Variants in CAMSAP1 observed in about 807,000 individuals in gnomAD.
CAMSAP1 encodes the protein calmodulin regulated spectrin associated protein 1.
Under a neutral mutation model 143.5 loss-of-function variants are expected in CAMSAP1, and 58 were observed. The ratio of observed to expected loss-of-function variants is 0.40; its 90% CI spans 0.33 to 0.50. The LOEUF is 0.50. Ranked by LOEUF, CAMSAP1 falls within the 20% of genes least tolerant of loss-of-function variation. The probability of loss-of-function intolerance (pLI) is 0.45; values close to 1 mark genes in which losing one functional copy is unlikely to be tolerated. For missense variants in CAMSAP1, 1,969 were observed against 2,115.7 expected (o/e 0.93, Z 1.36); for synonymous variants, 945 against 859.3 (o/e 1.10, Z -1.74).
chr9:135,833,548 A>G (rs1181999349), intron 7 of CAMSAP1, among the ~76,000 whole-genome samples: 1 of 152,266 alleles, frequency 6.6e-6, no homozygotes, highest in Non-Finnish European at 1.5e-5. Flanking sequence ...GGTGCCAAAA[A>G]TACACCATGG....
chr9:135,824,166 A>G lies in CAMSAP1; in HGVS notation c.1316-132T>C. On this transcript the variant is annotated intron_variant, in intron 9 of 16. Transcript: ENST00000389532. This position sits in a 1 kb window ranked among gnomAD's most constrained non-coding sequence, Gnocchi z 4.1. The stretch of plus-strand genomic sequence containing the variant: ...CAGAAGGGCCGCATGGAAAGCAGAG[A>G]GGCAAAACCATACAGTTGTCCCACA... 2.8e-6 allele frequency: 2 copies of G among 725,832 alleles called. No homozygotes were observed. Among genetic ancestry groups the G allele is most frequent in the Non-Finnish European group, 4.8e-6 (2 of 418,048 alleles). The allele number at this position is 725,832 out of a possible 1,614,324, so 45.0% of individuals were successfully genotyped here. A position where few individuals can be genotyped will look rare whatever the true frequency, so the allele number is the denominator to read the frequency against.
At chr9:135,819,302 G>A (rs374631075) in intron 11 of CAMSAP1, among the ~76,000 whole-genome samples, 156 bp from the exon 12 acceptor site, 1 of 152,188 alleles carries the variant, frequency 6.6e-6, no homozygotes, top group African/African-American at 2.4e-5. Flanking sequence ...TCTGAAATAC[G>A]AATGAAGACA....
intron 1 of CAMSAP1, among the ~76,000 whole-genome samples, chr9:135,903,472 C>G (rs1161977145): frequency 6.6e-6 from 1 of 152,214 alleles, no homozygotes; most frequent in Non-Finnish European, 1.5e-5. Flanking sequence ...GGAAGTGTTT[C>G]TGCACAGCCA....
chr9:135,833,582 ATGT>A (rs1312938349), intron 7 of CAMSAP1, among the ~76,000 whole-genome samples: 8 of 152,370 alleles, frequency 5.3e-5, no homozygotes, highest in East Asian at 1.9e-4. Flanking sequence ...CCTTCAATAA[ATGT>A]TGTTGGGAAA....
At chr9:135,885,322 T>C (rs1838088383) in intron 1 of CAMSAP1, among the ~76,000 whole-genome samples, 1 of 152,128 alleles carries the variant, frequency 6.6e-6, no homozygotes, top group East Asian at 1.9e-4. Flanking sequence ...CATCTCCATG[T>C]AGATGTCTGG....
chr9:135,893,825 A>G (rs1203031762), intron 1 of CAMSAP1, among the ~76,000 whole-genome samples: 1 of 152,254 alleles, frequency 6.6e-6, no homozygotes, highest in Non-Finnish European at 1.5e-5. Flanking sequence ...ATTTCTGGCC[A>G]GGACAAAATG....
intron 7 of CAMSAP1, among the ~76,000 whole-genome samples, chr9:135,843,117 C>T (rs1021188047): frequency 6.6e-6 from 1 of 152,212 alleles, no homozygotes; most frequent in African/African-American, 2.4e-5. Context: ...TACCTGAGGT[C>T]GGGAGTTCGA....
At position 135,872,992 on chromosome 9, in the gene CAMSAP1, C is replaced by A. The variant is rs1448662333; in HGVS notation, c.586-6456G>T. 2.0e-4 allele frequency among the ~76,000 whole-genome samples: 30 copies of A among 152,314 alleles called. No homozygotes were observed. The East Asian group carries it at 5.2e-3, about 26-fold the overall frequency. ...GACACAAACACCACCAACAACCAAT[C>A]TGAACTGACACTGAAGACACTCTAC... is the stretch of plus-strand genomic sequence containing the variant. On this transcript the variant is annotated intron_variant, in intron 3 of 16. Coordinates refer to ENST00000389532, the MANE Select transcript of CAMSAP1 (RefSeq NM_015447.4).
intron 7 of CAMSAP1, among the ~76,000 whole-genome samples, chr9:135,835,846 G>A (rs1157666076): frequency 6.6e-6 from 1 of 152,156 alleles, no homozygotes; most frequent in Non-Finnish European, 1.5e-5. Flanking sequence ...CAGGCATGGT[G>A]GTGCGCACCT....
Position 135,822,932 on chromosome 9 carries a change from G to T in CAMSAP1, c.1729C>A (p.Gln577Lys), listed in dbSNP as rs936204859. 3.1e-6 allele frequency: 5 copies of T among 1,613,828 alleles called. No homozygotes were observed. The highest frequency in any genetic ancestry group is 3.3e-5 in the Admixed American group (2 of 60,000). The change falls in exon 11 of 17, where the codon CAA (glutamine) becomes AAA (lysine). Residue 577 changes from glutamine to lysine, a missense_variant. Transcript: ENST00000389532. This position sits in a 1 kb window ranked among gnomAD's most constrained non-coding sequence, Gnocchi z 6.1. ...LGLTANARSP[Q>K]GQLDTSESKP... Reference sequence around the variant, plus strand: ...CTTTCCGAGGTGTCCAGCTGTCCTTGGGGAGACCGGGCATTTGCTGTAAGG... The same window carrying T: ...CTTTCCGAGGTGTCCAGCTGTCCTTTGGGAGACCGGGCATTTGCTGTAAGG...
Position 135,815,123 on chromosome 9 carries a change from C to T in CAMSAP1, c.4480G>A (p.Glu1494Lys), listed in dbSNP as rs762421052. 1.2e-6 allele frequency: 2 copies of T among 1,613,226 alleles called. No individual in the cohort carries two copies. Among genetic ancestry groups the T allele is most frequent in the South Asian group, 1.1e-5 (1 of 91,004 alleles). Reference protein sequence around the residue: ...SHCCLAGKVNEPHKNSILEEL... With the variant: ...SHCCLAGKVNKPHKNSILEEL... ...TCCAATATGGAATTCTTGTGGGGTT[C>T]GTTCACTTTTCCAGCCAGGCAGCAA... Residue 1494 changes from glutamate to lysine, a missense_variant, in exon 16 of 17, where the codon GAA (glutamate) becomes AAA (lysine). Around this residue, in one of 4 missense-constraint regions of CAMSAP1, gnomAD observed 143 missense variants for 200.6 expected, o/e 0.71. Transcript: ENST00000389532.
intron 7 of CAMSAP1, among the ~76,000 whole-genome samples, chr9:135,846,575 C>A (rs903078152): frequency 6.6e-6 from 1 of 150,526 alleles, no homozygotes; most frequent in Non-Finnish European, 1.5e-5. Context: ...AAGAAACTAT[C>A]ATCAGAGTGA....
intron 1 of CAMSAP1, among the ~76,000 whole-genome samples, chr9:135,887,891 G>A (rs1425112955): frequency 6.6e-6 from 1 of 152,218 alleles, no homozygotes; most frequent in East Asian, 1.9e-4. Flanking sequence ...CAGTACCCAT[G>A]AGCAACGCAT....
intron 1 of CAMSAP1, among the ~76,000 whole-genome samples, chr9:135,886,079 T>A (rs1043144464): frequency 9.9e-5 from 15 of 152,206 alleles, no homozygotes; most frequent in African/African-American, 3.4e-4. Flanking sequence ...AAAAAAAACT[T>A]TGTGATGCCT....
chr9:135,813,174 G>C (rs1283431206), intron 16 of CAMSAP1, among the ~76,000 whole-genome samples: 1 of 152,170 alleles, frequency 6.6e-6, no homozygotes, highest in Non-Finnish European at 1.5e-5. Flanking sequence ...GGAATCTCAG[G>C]GTCAAGCCCT....
At position 135,882,722 on chromosome 9, in the gene CAMSAP1, A is replaced by C; in HGVS notation, c.423+94T>G. The C allele has an allele frequency of 1.2e-5, 17 of 1,423,564 alleles. No homozygotes were observed. Among genetic ancestry groups the C allele is most frequent in the Non-Finnish European group, 1.6e-5 (17 of 1,068,886 alleles). The allele number at this position is 1,423,564 out of a possible 1,614,324, so 88.2% of individuals were successfully genotyped here. The stretch of plus-strand genomic sequence containing the variant: ...ACGGGTCTCCACCACCTCGCCGCAC[A>C]CCGTGTTCACACCATCCATGCACCA... On this transcript the variant is annotated intron_variant, in intron 2 of 16. Transcript: ENST00000389532. The surrounding 1 kb of genome is among the most constrained non-coding windows in gnomAD (Gnocchi z 4.9).
chr9:135,876,817 T>C (rs1450997611), intron 3 of CAMSAP1, among the ~76,000 whole-genome samples: 1 of 152,124 alleles, frequency 6.6e-6, no homozygotes, highest in East Asian at 1.9e-4. Flanking sequence ...AAGACTAGCC[T>C]GGCCAACATG....
At position 135,808,879 on chromosome 9, in the gene CAMSAP1, A is replaced by G. The variant is rs1834939784; in HGVS notation, c.*2430T>C. 6.6e-6 allele frequency: 1 copy of G among 152,258 alleles called. No homozygotes were observed. Among genetic ancestry groups the G allele is most frequent in the Admixed American group, 6.5e-5 (1 of 15,290 alleles). 9.4% of individuals were successfully genotyped at this position (152,258 alleles called of 1,614,324 possible). Reference sequence around the variant, plus strand: ...ACACATAAACTTCATCATACATTGAATCATTTGGTTTACACTTTCTTTACA... The same window carrying G: ...ACACATAAACTTCATCATACATTGAGTCATTTGGTTTACACTTTCTTTACA... On this transcript the variant is annotated 3_prime_UTR_variant, in exon 17 of 17. Coordinates refer to ENST00000389532, the MANE Select transcript of CAMSAP1 (RefSeq NM_015447.4).
intron 7 of CAMSAP1, among the ~76,000 whole-genome samples, chr9:135,830,544 T>G (rs193042753): frequency 6.6e-6 from 1 of 152,140 alleles, no homozygotes; most frequent in African/African-American, 2.4e-5. Context: ...TAAAGCAATA[T>G]TGACAGATCT....
Sources: gnomAD v4.1 joint callset for allele counts (sites outside exome capture counted in the v4.1 genomes callset) on GRCh38, gnomAD v4.1.1 for gene constraint, gnomAD v4.1.1 regional missense constraint, Gnocchi (gnomAD v3.1) non-coding constraint, MANE v1.5 for transcripts, NCBI Gene and HGNC (gene_info 2026-07-23, HGNC 2026-07-21) for gene names.